The following GRM5 variants were observed in gnomAD, a reference collection of about 807,000 sequenced individuals.
GRM5 encodes glutamate metabotropic receptor 5.
In GRM5, 19 loss-of-function variants were observed where a neutral mutation model predicts 83.1. That is an observed-to-expected ratio of 0.23 (90% CI 0.16 to 0.34). The LOEUF is 0.34. Ranked by LOEUF, GRM5 falls within the 10% of genes least tolerant of loss-of-function variation. The pLI is 1.00. For synonymous variants in GRM5, 675 were observed against 633.6 expected, an observed-to-expected ratio of 1.07 and a Z score of -0.98; for missense variants, 1,160 against 1,588.3, an observed-to-expected ratio of 0.73 and a Z score of 4.58.
At chr11:88,809,144 A>G (rs1943546667) in intron 3 of GRM5, among the ~76,000 whole-genome samples, 1 of 152,082 alleles carries the variant, frequency 6.6e-6, no homozygotes, top group Admixed American at 6.6e-5. Flanking sequence ...AATTAAGAAC[A>G]AAGCATTATC....
intron 4 of GRM5, among the ~76,000 whole-genome samples, chr11:88,611,951 A>C (rs61901994): frequency 0.16 from 23,573 of 150,020 alleles, 1,953 homozygotes; most frequent in Non-Finnish European, 0.18. Flanking sequence ...CAAAGAATTT[A>C]TTTATTTATT....
At chr11:88,963,039 AG>A (rs1230007502) in intron 2 of GRM5, among the ~76,000 whole-genome samples, 1 of 152,250 alleles carries the variant, frequency 6.6e-6, no homozygotes, top group Admixed American at 6.5e-5. Flanking sequence ...CAGTGAGCTG[AG>A]ATCATGCCAC....
chr11:88,971,968 G>A (rs1448861751), intron 2 of GRM5, among the ~76,000 whole-genome samples: 1 of 152,090 alleles, frequency 6.6e-6, no homozygotes. Context: ...AGAACCAGTT[G>A]AAGGAGCTTC....
At chr11:88,807,287 T>C (rs1943514423) in intron 3 of GRM5, among the ~76,000 whole-genome samples, 3 of 152,124 alleles carry the variant, frequency 2.0e-5, no homozygotes, top group Non-Finnish European at 4.4e-5. Context: ...ATCTTTGGAA[T>C]CCTCTCAAAT....
At chr11:88,800,345 T>C (rs1943366512) in intron 3 of GRM5, among the ~76,000 whole-genome samples, 2 of 152,066 alleles carry the variant, frequency 1.3e-5, no homozygotes, top group Admixed American at 6.6e-5. Context: ...CAAAGAGAGA[T>C]TGTCATAGCA....
At chr11:88,709,175 T>C (rs1941228992) in intron 3 of GRM5, among the ~76,000 whole-genome samples, 1 of 151,152 alleles carries the variant, frequency 6.6e-6, no homozygotes, top group Non-Finnish European at 1.5e-5. Context: ...AAAGGAGGAG[T>C]TGCTTAGTGA....
rs757266808 is a variant in GRM5 at position 88,567,176 on chromosome 11, G to A, written c.2507C>T (p.Ala836Val). 1 of 1,614,040 alleles carries A rather than the reference G, an allele frequency of 6.2e-7. No individual in the cohort carries two copies. The highest frequency in any genetic ancestry group is 8.5e-7 in the Non-Finnish European group (1 of 1,179,942). ...GCGCACCACGGTAGATGTGGTGAAGGCGCTGCGCACGTTTCTCTCTGGTTT... is the reference window on the plus strand; with the variant it reads ...GCGCACCACGGTAGATGTGGTGAAGACGCTGCGCACGTTTCTCTCTGGTTT... ...LAKPERNVRS[A>V]FTTSTVVRMH... Residue 836 changes from alanine to valine, a missense_variant, in exon 8 of 10, where the codon GCC becomes GTC. Ala to Val is a moderately conservative substitution (Grantham distance 64, BLOSUM62 0). This residue lies in a region of GRM5 where 66 missense variants were observed against 138.6 expected (regional missense o/e 0.48). Transcript: ENST00000305447. This position sits in a 1 kb window ranked among gnomAD's most constrained non-coding sequence, Gnocchi z 7.3.
chr11:88,841,935 T>A (rs1029462860), intron 3 of GRM5, among the ~76,000 whole-genome samples: 2 of 152,214 alleles, frequency 1.3e-5, no homozygotes, highest in African/African-American at 4.8e-5. Flanking sequence ...TTTAAGCAGA[T>A]ACTCATAATA....
At chr11:88,727,895 G>C (rs1227347160) in intron 3 of GRM5, among the ~76,000 whole-genome samples, 1 of 151,340 alleles carries the variant, frequency 6.6e-6, no homozygotes, top group Admixed American at 6.6e-5. Context: ...TTTAGAGGGA[G>C]ATTTACTAAA....
intron 3 of GRM5, among the ~76,000 whole-genome samples, chr11:88,796,976 A>T (rs1444519034): frequency 6.6e-6 from 1 of 151,098 alleles, no homozygotes; most frequent in African/African-American, 2.4e-5. Context: ...CACTCTTAGA[A>T]CCTGGATAAT....
At chr11:88,576,895 T>G (rs1943122794) in intron 7 of GRM5, among the ~76,000 whole-genome samples, 1 of 152,168 alleles carries the variant, frequency 6.6e-6, no homozygotes, top group African/African-American at 2.4e-5. Flanking sequence ...CTTGCTAGCT[T>G]GCCAGACCCT....
chr11:88,638,680 A>G (rs2135282844), intron 4 of GRM5, among the ~76,000 whole-genome samples: 1 of 152,144 alleles, frequency 6.6e-6, no homozygotes, highest in East Asian at 1.9e-4. Context: ...GACCATTCAT[A>G]TTTTCTCTTT....
At chr11:88,773,380 A>C (rs1052756578) in intron 3 of GRM5, among the ~76,000 whole-genome samples, 10 of 151,556 alleles carry the variant, frequency 6.6e-5, no homozygotes, top group Non-Finnish European at 1.3e-4. Context: ...GATTGCAAAA[A>C]TTTTCTCCTA....
rs1442021647 is a variant in GRM5 at position 88,592,402 on chromosome 11, A to G, written c.1564-1675T>C. ...AAATGAAGAATTTCATTTTCAAGGT[A>G]TACCACACTTGGCAAAACTATCCTT... is the stretch of plus-strand genomic sequence containing the variant. On this transcript the variant is annotated intron_variant, in intron 6 of 9. Coordinates refer to ENST00000305447, the MANE Select transcript of GRM5 (RefSeq NM_001143831.3). Among the ~76,000 whole-genome samples, 4 of 152,252 alleles carry G rather than the reference A, an allele frequency of 2.6e-5. No homozygotes were observed. In the South Asian group the frequency reaches 6.2e-4, roughly 24 times the overall value.
At chr11:88,798,593 T>G (rs1437892209) in intron 3 of GRM5, among the ~76,000 whole-genome samples, 1 of 151,960 alleles carries the variant, frequency 6.6e-6, no homozygotes, top group Non-Finnish European at 1.5e-5. Flanking sequence ...AGTTATGTAT[T>G]TTCCCCAGGT....
chr11:88,776,161 T>C (rs976980288), intron 3 of GRM5, among the ~76,000 whole-genome samples: 2 of 152,234 alleles, frequency 1.3e-5, no homozygotes, highest in African/African-American at 4.8e-5. Flanking sequence ...TAGTTAGCTC[T>C]TCTTGTTGAA....
chr11:88,716,009 G>A (rs886595856), intron 3 of GRM5, among the ~76,000 whole-genome samples: 1 of 151,928 alleles, frequency 6.6e-6, no homozygotes, highest in African/African-American at 2.4e-5. Flanking sequence ...TCCAGCTTTT[G>A]AATTCTATGA....
chr11:89,003,210 G>T (rs1360404667), intron 2 of GRM5, among the ~76,000 whole-genome samples: 2 of 152,112 alleles, frequency 1.3e-5, no homozygotes, highest in African/African-American at 4.8e-5. Flanking sequence ...GCTCTCACAG[G>T]TCTCACTGTG....
chr11:89,031,719 A>T (rs928296025), intron 2 of GRM5, among the ~76,000 whole-genome samples: 4 of 152,058 alleles, frequency 2.6e-5, no homozygotes, highest in South Asian at 2.1e-4. Flanking sequence ...TGATTAAAAA[A>T]TTTTTCTTCT....
Sources: allele counts gnomAD v4.1 joint callset (sites outside exome capture counted in the v4.1 genomes callset), GRCh38; gene constraint gnomAD v4.1.1; regional missense constraint gnomAD v4.1.1; non-coding constraint Gnocchi (gnomAD v3.1); transcripts MANE v1.5; gene names NCBI Gene and HGNC (gene_info 2026-07-23, HGNC 2026-07-21).